The following AGBL1 variants were observed in gnomAD, a reference collection of about 807,000 sequenced individuals.
AGBL1 encodes the protein cytosolic carboxypeptidase 4.
In AGBL1, 130 loss-of-function variants were observed where a neutral mutation model predicts 118.9. The observed-to-expected ratio is 1.09, with a 90% CI of 0.95 to 1.26. The LOEUF (loss-of-function observed/expected upper bound fraction) is 1.26. Among genes scored for constraint, AGBL1 ranks in the 50% most tolerant of loss-of-function variants. The probability of loss-of-function intolerance (pLI) is 0.00; values close to 1 mark genes in which losing one functional copy is unlikely to be tolerated. For synonymous variants in AGBL1, 555 were observed against 478.9 expected (o/e 1.16, Z -2.08); for missense variants, 1,584 against 1,298.1 (o/e 1.22, Z -3.38).
At chr15:86,352,304 T>G (rs1444911523) in intron 17 of AGBL1, among the ~76,000 whole-genome samples, 1 of 152,188 alleles carries the variant, frequency 6.6e-6, no homozygotes, top group East Asian at 1.9e-4. Context: ...AGTTAGAAAT[T>G]ATTCCCCATT....
chr15:86,583,180 G>C (rs2084197773), intron 21 of AGBL1, among the ~76,000 whole-genome samples: 1 of 151,898 alleles, frequency 6.6e-6, no homozygotes, highest in Non-Finnish European at 1.5e-5. Context: ...TTTTATGTTA[G>C]AGTCAGGGAG....
At chr15:86,295,575 C>T (rs892513033) in intron 17 of AGBL1, 167 bp downstream of exon 17, 16 of 559,574 alleles carry the variant, frequency 2.9e-5, no homozygotes, top group South Asian at 4.2e-5. Context: ...AAAGGTTAAA[C>T]ATTAATGTTG....
At chr15:86,128,981 A>G (rs2141602702) in intron 1 of AGBL1, among the ~76,000 whole-genome samples, 1 of 152,322 alleles carries the variant, frequency 6.6e-6, no homozygotes. Flanking sequence ...CCAATAATGA[A>G]GCCAATCATG....
intron 6 of AGBL1, among the ~76,000 whole-genome samples, chr15:86,226,193 C>A (rs981395743): frequency 6.6e-6 from 1 of 152,078 alleles, no homozygotes; most frequent in African/African-American, 2.4e-5. Flanking sequence ...GGGAGAGGAC[C>A]ATTCATTCTT....
In AGBL1 at chr15:86,955,522, T is replaced by C. The variant is rs1567257942; in HGVS notation, c.3222-32465T>C. ...AACATGTAATCAAAAATGAACAGAA[T>C]AGAGAAAGAAATCAAAAAATGTAAA... On this transcript the variant is annotated intron_variant, in intron 23 of 24. Coordinates refer to the AGBL1 transcript ENST00000441037. Among the ~76,000 whole-genome samples the C allele has an allele frequency of 2.0e-5, 3 of 151,662 alleles. No homozygotes were observed. In the South Asian group the frequency reaches 6.2e-4, roughly 31 times the overall value.
intron 22 of AGBL1, among the ~76,000 whole-genome samples, chr15:86,835,620 T>A (rs2079160510): frequency 6.6e-6 from 1 of 151,860 alleles, no homozygotes; most frequent in Non-Finnish European, 1.5e-5. Flanking sequence ...AGGAAAAAAA[T>A]TAAGACCTGG....
In AGBL1 at chr15:86,327,283, G is replaced by A. The variant is rs535325928; in HGVS notation, c.2374+31875G>A. Among the ~76,000 whole-genome samples the A allele has an allele frequency of 3.7e-4, 56 of 152,264 alleles. 1 individual carries two copies. The highest frequency in any genetic ancestry group is 1.3e-3 in the African/African-American group (55 of 41,564). The stretch of plus-strand genomic sequence containing the variant: ...AGAGGCTTAGGGTCATAAATTCTTT[G>A]TTTTATGGAGTTAGAGCCCCAGCTA... On this transcript the variant is annotated intron_variant, in intron 17 of 22. Coordinates refer to ENST00000614907, the MANE Select transcript of AGBL1 (RefSeq NM_001386094.1).
At chr15:86,378,434 C>A (rs1185703500) in intron 17 of AGBL1, among the ~76,000 whole-genome samples, 1 of 152,060 alleles carries the variant, frequency 6.6e-6, no homozygotes, top group Non-Finnish European at 1.5e-5. Flanking sequence ...TCTCCAGGGG[C>A]CAGTCTTCTA....
intron 18 of AGBL1, among the ~76,000 whole-genome samples, chr15:86,507,951 G>C (rs562813395): frequency 1.9e-4 from 29 of 151,808 alleles, no homozygotes; most frequent in African/African-American, 7.0e-4. Context: ...AAAATAGAGA[G>C]AGGGTAGTTG....
chr15:86,584,069 A>G (rs1386018467), intron 21 of AGBL1, among the ~76,000 whole-genome samples: 3 of 152,066 alleles, frequency 2.0e-5, no homozygotes, highest in African/African-American at 7.2e-5. Context: ...AGTTCCTTGT[A>G]AATTCTGGAT....
chr15:86,559,760 T>C (rs989426726), intron 21 of AGBL1, among the ~76,000 whole-genome samples: 1 of 152,078 alleles, frequency 6.6e-6, no homozygotes, highest in Non-Finnish European at 1.5e-5. Flanking sequence ...GTCCCACAGC[T>C]AGAAGTTTTC....
chr15:87,027,306 AAAG>A (rs1390194447), intron 24 of AGBL1, among the ~76,000 whole-genome samples: 2 of 152,050 alleles, frequency 1.3e-5, no homozygotes, highest in African/African-American at 4.8e-5. Flanking sequence ...TTGCAGAGAA[AAAG>A]AAGTGCTTTT....
chr15:86,921,973 C>T (rs972024436), intron 23 of AGBL1, among the ~76,000 whole-genome samples: 2 of 152,150 alleles, frequency 1.3e-5, no homozygotes, highest in Non-Finnish European at 2.9e-5. Context: ...GCTTCCTGCA[C>T]AGGTCTATAT....
At chr15:86,594,434 CT>C (rs1285247052) in intron 21 of AGBL1, among the ~76,000 whole-genome samples, 1 of 152,040 alleles carries the variant, frequency 6.6e-6, no homozygotes, top group Non-Finnish European at 1.5e-5. Context: ...AAAAAATGTT[CT>C]TTTCTTCTAT....
At chr15:86,718,458 T>C (rs895725145) in intron 22 of AGBL1, among the ~76,000 whole-genome samples, 2 of 152,052 alleles carry the variant, frequency 1.3e-5, no homozygotes, top group African/African-American at 2.4e-5. Context: ...ATGGGTGCAG[T>C]ACACCAACAC....
chr15:86,999,067 C>T (rs960417815), intron 24 of AGBL1, among the ~76,000 whole-genome samples: 1 of 151,138 alleles, frequency 6.6e-6, no homozygotes. Context: ...CAAGTGTGCT[C>T]ACTGTTCAAT....
intron 1 of AGBL1, among the ~76,000 whole-genome samples, chr15:86,115,149 A>G (rs1597412407): frequency 6.6e-6 from 1 of 152,176 alleles, no homozygotes; most frequent in South Asian, 2.1e-4. Flanking sequence ...TTTTCCTAAA[A>G]ATATCCCTCT....
chr15:86,583,588 C>T (rs1050331580), intron 21 of AGBL1, among the ~76,000 whole-genome samples: 25 of 152,064 alleles, frequency 1.6e-4, no homozygotes, highest in Non-Finnish European at 3.5e-4. Flanking sequence ...TGCTGATGGG[C>T]GCTTAAGTTG....
intron 21 of AGBL1, among the ~76,000 whole-genome samples, chr15:86,645,474 G>A (rs1375429073): frequency 6.6e-6 from 1 of 152,186 alleles, no homozygotes; most frequent in Non-Finnish European, 1.5e-5. Flanking sequence ...ATTTTCTGTT[G>A]TGATTTTATT....
Sources: gnomAD v4.1 joint callset for allele counts (sites outside exome capture counted in the v4.1 genomes callset) on GRCh38, gnomAD v4.1.1 for gene constraint, MANE v1.5 for transcripts, NCBI Gene and HGNC (gene_info 2026-07-23, HGNC 2026-07-21) for gene names.